The following FAM120B variants were observed in gnomAD, a reference collection of about 807,000 sequenced individuals.
FAM120B encodes constitutive coactivator of peroxisome proliferator-activated receptor gamma.
Under a neutral mutation model 96.3 loss-of-function variants are expected in FAM120B, and 83 were observed. The observed-to-expected ratio is 0.86, with a 90% CI of 0.72 to 1.03. The LOEUF (loss-of-function observed/expected upper bound fraction) is 1.03. Ranked by LOEUF, FAM120B falls within the 50% of genes least tolerant of loss-of-function variation. FAM120B has a pLI of 0.00. For synonymous variants in FAM120B, 407 were observed against 402.7 expected, an observed-to-expected ratio of 1.01 and a Z score of -0.13; for missense variants, 1,027 against 1,121.2, an observed-to-expected ratio of 0.92 and a Z score of 1.20.
rs1256763327 is a variant in FAM120B at position 170,295,468 on chromosome 6, C to G, written c.48+15C>G. 2.9e-6 allele frequency: 2 copies of G among 699,004 alleles called. No homozygotes were observed. The highest frequency in any genetic ancestry group is 5.2e-6 in the Non-Finnish European group (2 of 383,460). 43.3% of individuals were successfully genotyped at this position (699,004 alleles called of 1,614,324 possible). A position where few individuals can be genotyped will look rare whatever the true frequency, so the allele number is the denominator to read the frequency against. On this transcript the variant is annotated intron_variant, in intron 1 of 10. Coordinates refer to the FAM120B transcript ENST00000537664. The surrounding 1 kb of genome is among the most constrained non-coding windows in gnomAD (Gnocchi z 7.8). ...GCAGGAAGGAGGTGAGCGCCGCCCG[C>G]GTGCACACAAGGCGCGCGGCCCCCA...
chr6:170,331,080 T>C (rs1786001040), intron 4 of FAM120B, among the ~76,000 whole-genome samples: 1 of 152,168 alleles, frequency 6.6e-6, no homozygotes, highest in South Asian at 2.1e-4. Flanking sequence ...TAAAGCTTAA[T>C]GAGAGGTAAG....
chr6:170,297,297 A>G (rs1230637432), intron 1 of FAM120B, among the ~76,000 whole-genome samples: 4 of 152,138 alleles, frequency 2.6e-5, no homozygotes, highest in Non-Finnish European at 5.9e-5. Context: ...GAAGCTTTCG[A>G]ACGCGCCGTG....
At chr6:170,297,390 C>T (rs1051763876) in intron 1 of FAM120B, among the ~76,000 whole-genome samples, 9 of 152,214 alleles carry the variant, frequency 5.9e-5, no homozygotes, top group Admixed American at 3.3e-4. Context: ...CGGCTGCGTG[C>T]GTTCCATCCC....
intron 6 of FAM120B, among the ~76,000 whole-genome samples, chr6:170,373,065 C>G (rs554746304): frequency 6.6e-6 from 1 of 152,168 alleles, no homozygotes; most frequent in African/African-American, 2.4e-5. Context: ...AATGAACCTT[C>G]CTTAGCATAT....
In FAM120B at chr6:170,404,575, G is replaced by C. The variant is rs770286825; in HGVS notation, c.2718G>C (p.Gln906His). ...GAAGCAGACAGTATGAGCATGACCA[G>C]TGGAGAAGGTACTAGTCAACCTCCA... ...GPGSRQYEHD[Q>H]WRRY The change falls in exon 10 of 11, where the codon CAG becomes CAC. Residue 906 changes from glutamine (Q) to histidine (H), a missense_variant. Gln to His is a conservative substitution (Grantham distance 24). This residue lies in a region of FAM120B where 142 missense variants were observed against 122.5 expected (regional missense o/e 1.16). Coordinates refer to ENST00000476287, the MANE Select transcript of FAM120B (RefSeq NM_032448.3). 6.2e-7 allele frequency: 1 copy of C among 1,614,002 alleles called. No homozygotes were observed. The highest frequency in any genetic ancestry group is 2.2e-5 in the East Asian group (1 of 44,888).
intron 4 of FAM120B, among the ~76,000 whole-genome samples, chr6:170,334,334 A>G (rs547757105): frequency 1.3e-5 from 2 of 152,356 alleles, no homozygotes; most frequent in Non-Finnish European, 2.9e-5. Flanking sequence ...AGACTATTTT[A>G]CAAAACGAAA....
intron 5 of FAM120B, 80 bp downstream of exon 5, chr6:170,348,403 T>C: frequency 7.6e-7 from 1 of 1,314,982 alleles, no homozygotes; most frequent in Non-Finnish European, 1.1e-6. Context: ...TTGCCATGGC[T>C]GGTGTCCCGG....
intron 4 of FAM120B, among the ~76,000 whole-genome samples, chr6:170,333,518 T>A (rs996559940): frequency 2.2e-5 from 3 of 137,756 alleles, no homozygotes; most frequent in African/African-American, 5.2e-5. Context: ...GAGCCTCATC[T>A]TTTTTTTTTT....
At chr6:170,313,262 C>T (rs1784702217) in intron 1 of FAM120B, among the ~76,000 whole-genome samples, 1 of 152,142 alleles carries the variant, frequency 6.6e-6, no homozygotes, top group South Asian at 2.1e-4. Context: ...CCTGTTCTCA[C>T]CCAACTGGTG....
intron 6 of FAM120B, among the ~76,000 whole-genome samples, chr6:170,381,565 A>T (rs1011743568): frequency 3.9e-5 from 6 of 152,158 alleles, no homozygotes; most frequent in African/African-American, 1.4e-4. Context: ...CAAAAAAAAA[A>T]TAGTGCAAAA....
At chr6:170,393,589 A>T (rs925158202) in intron 8 of FAM120B, among the ~76,000 whole-genome samples, 5 of 152,244 alleles carry the variant, frequency 3.3e-5, no homozygotes, top group African/African-American at 1.2e-4. Context: ...GATTAGTAAG[A>T]TCATTTCGTG....
intron 4 of FAM120B, among the ~76,000 whole-genome samples, chr6:170,334,631 C>T (rs764136997): frequency 6.6e-6 from 1 of 152,046 alleles, no homozygotes; most frequent in South Asian, 2.1e-4. Context: ...AGGCTCTGCT[C>T]ATGTGGCTGC....
At chr6:170,374,536 CGTT>C (rs1789395902) in intron 6 of FAM120B, among the ~76,000 whole-genome samples, 1 of 152,196 alleles carries the variant, frequency 6.6e-6, no homozygotes, top group Non-Finnish European at 1.5e-5. Flanking sequence ...ATTATTGACT[CGTT>C]GAGGCTTTCT....
intron 6 of FAM120B, among the ~76,000 whole-genome samples, chr6:170,372,420 G>C (rs931099890): frequency 2.1e-5 from 3 of 142,374 alleles, no homozygotes; most frequent in East Asian, 4.8e-4. Flanking sequence ...CTACAGGGGC[G>C]GGGGGGTGGG....
chr6:170,295,281 C>T (rs764657779), upstream of FAM120B: 20 of 645,744 alleles, frequency 3.1e-5, no homozygotes, highest in South Asian at 1.5e-4. The surrounding 1 kb of genome is among the most constrained non-coding windows in gnomAD (Gnocchi z 7.8). Flanking sequence ...TGTCCCCTGC[C>T]CAGCCACGCC....
intron 1 of FAM120B, among the ~76,000 whole-genome samples, chr6:170,309,095 A>C (rs928594258): frequency 6.6e-6 from 1 of 152,206 alleles, no homozygotes; most frequent in Non-Finnish European, 1.5e-5. Flanking sequence ...CTCCATGGAA[A>C]CTAGGGTTAT....
chr6:170,325,184 T>C (rs1785512798), intron 3 of FAM120B, among the ~76,000 whole-genome samples: 1 of 152,218 alleles, frequency 6.6e-6, no homozygotes, highest in African/African-American at 2.4e-5. Context: ...TTTAAAAACA[T>C]GGTAATACTC....
intron 6 of FAM120B, among the ~76,000 whole-genome samples, chr6:170,362,278 T>C (rs189386427): frequency 4.7e-4 from 71 of 152,314 alleles, no homozygotes; most frequent in African/African-American, 1.6e-3. Flanking sequence ...GAGGAATGTT[T>C]CTGTGGACAT....
chr6:170,387,247 A>G (rs773751924), intron 6 of FAM120B, among the ~76,000 whole-genome samples: 24 of 152,242 alleles, frequency 1.6e-4, no homozygotes, highest in Admixed American at 2.6e-4. Context: ...TAACTCTCGG[A>G]TAATCTCAGT....
Sources: gnomAD v4.1 joint callset for allele counts (sites outside exome capture counted in the v4.1 genomes callset) on GRCh38, gnomAD v4.1.1 for gene constraint, gnomAD v4.1.1 regional missense constraint, Gnocchi (gnomAD v3.1) non-coding constraint, MANE v1.5 for transcripts, NCBI Gene and HGNC (gene_info 2026-07-23, HGNC 2026-07-21) for gene names.